The following PTCHD4 variants were observed in gnomAD, a reference collection of about 807,000 sequenced individuals.
The protein encoded by PTCHD4 is patched domain-containing protein 4.
Under a neutral mutation model 58.1 loss-of-function variants are expected in PTCHD4, and 33 were observed. That is an observed-to-expected ratio of 0.57 (90% CI 0.43 to 0.76). PTCHD4 has a LOEUF of 0.76. Ranked by LOEUF, PTCHD4 falls within the 30% of genes least tolerant of loss-of-function variation. The probability of loss-of-function intolerance (pLI) is 0.00; values close to 1 mark genes in which losing one functional copy is unlikely to be tolerated. For synonymous variants in PTCHD4, 478 were observed against 409.6 expected (o/e 1.17, Z -2.02); for missense variants, 1,058 against 1,027.1 (o/e 1.03, Z -0.41).
intron 1 of PTCHD4, among the ~76,000 whole-genome samples, chr6:48,095,752 T>G (rs960770171): frequency 8.2e-6 from 1 of 122,074 alleles, no homozygotes; most frequent in Non-Finnish European, 1.8e-5. Flanking sequence ...AAAAAACAAA[T>G]ATAACTGTTG....
rs141398310 is a variant in PTCHD4 at position 48,059,121 on chromosome 6, T to C, written c.417+9109A>G. ...TGTTCTAAGCACCTTATAATCTTCCTACTCAGAGTGTGGATCATGTACCAG... is the reference window on the plus strand; with the variant it reads ...TGTTCTAAGCACCTTATAATCTTCCCACTCAGAGTGTGGATCATGTACCAG... On this transcript the variant is annotated intron_variant, in intron 3 of 4. Coordinates refer to ENST00000339488, the MANE Select transcript of PTCHD4 (RefSeq NM_001384253.1). Among the ~76,000 whole-genome samples, 841 of 152,316 alleles carry C rather than the reference T, an allele frequency of 5.5e-3. 5 individuals are homozygous for C. The highest frequency in any genetic ancestry group is 0.01 in the Middle Eastern group (3 of 294).
At chr6:48,022,910 T>G (rs1473868701) in intron 3 of PTCHD4, among the ~76,000 whole-genome samples, 2 of 152,030 alleles carry the variant, frequency 1.3e-5, no homozygotes, top group Non-Finnish European at 2.9e-5. Context: ...TTTTAATTTC[T>G]TGAAAGGAAA....
At chr6:48,063,663 A>G (rs910509710) in intron 3 of PTCHD4, among the ~76,000 whole-genome samples, 23 of 152,214 alleles carry the variant, frequency 1.5e-4, no homozygotes, top group African/African-American at 5.1e-4. Flanking sequence ...AAACTTGTAA[A>G]GATTAAATAG....
Position 48,068,532 on chromosome 6 carries a change from G to T in PTCHD4, c.115C>A (p.Pro39Thr). The change falls in exon 3 of 5, where the codon CCG becomes ACG. Residue 39 changes from proline to threonine, a missense_variant. Coordinates refer to ENST00000339488, the MANE Select transcript of PTCHD4 (RefSeq NM_001384253.1). The surrounding 1 kb of genome is among the most constrained non-coding windows in gnomAD (Gnocchi z 4.2). ...GCGGGCACGGTGAGGAAAAAGACCG[G>T]GTGCCGGCTCACGCACAAACCCAGC... ...HRLGLCVSRH[P>T]VFFLTVPAVL... 1.2e-6 allele frequency: 2 copies of T among 1,610,656 alleles called. No individual in the cohort carries two copies. The highest frequency in any genetic ancestry group is 1.7e-6 in the Non-Finnish European group (2 of 1,179,500).
At chr6:47,961,701 A>T (rs111496045) in intron 4 of PTCHD4, among the ~76,000 whole-genome samples, 2,691 of 152,158 alleles carry the variant, frequency 0.018, 41 homozygotes, top group South Asian at 0.055. Context: ...CATTTTTTTT[A>T]AAAAAAGAAA....
chr6:48,001,589 A>G (rs1768723901), intron 4 of PTCHD4, among the ~76,000 whole-genome samples: 1 of 152,196 alleles, frequency 6.6e-6, no homozygotes, highest in South Asian at 2.1e-4. Flanking sequence ...CCTTCCTTAC[A>G]CCTTATACAA....
intron 1 of PTCHD4, among the ~76,000 whole-genome samples, chr6:48,072,374 C>T (rs372865425): frequency 7.9e-5 from 12 of 152,200 alleles, no homozygotes; most frequent in African/African-American, 1.9e-4. Context: ...CAGCTTTGGC[C>T]ACTGAAAGGA....
intron 4 of PTCHD4, among the ~76,000 whole-genome samples, chr6:47,957,091 GGA>G (rs1766893898): frequency 6.6e-6 from 1 of 151,624 alleles, no homozygotes; most frequent in Non-Finnish European, 1.5e-5. Flanking sequence ...CTTGAACCCT[GGA>G]GGCGGAGGTT....
intron 3 of PTCHD4, among the ~76,000 whole-genome samples, chr6:48,017,118 T>C (rs928804681): frequency 6.6e-6 from 1 of 152,220 alleles, no homozygotes; most frequent in East Asian, 1.9e-4. Flanking sequence ...CTTTTTTTAA[T>C]CAGATTTTTC....
At chr6:47,958,598 C>T (rs1409357370) in intron 4 of PTCHD4, among the ~76,000 whole-genome samples, 3 of 152,116 alleles carry the variant, frequency 2.0e-5, no homozygotes, top group Non-Finnish European at 4.4e-5. Flanking sequence ...TGAGAATACT[C>T]AAGTGGATAG....
intron 3 of PTCHD4, among the ~76,000 whole-genome samples, chr6:48,032,114 C>A (rs1763467434): frequency 6.6e-6 from 1 of 151,308 alleles, no homozygotes; most frequent in African/African-American, 2.4e-5. Context: ...AAAGCAATGA[C>A]ACATTGTAGA....
At chr6:47,952,680 C>A (rs959546643) in intron 4 of PTCHD4, among the ~76,000 whole-genome samples, 1 of 152,000 alleles carries the variant, frequency 6.6e-6, no homozygotes, top group Non-Finnish European at 1.5e-5. Flanking sequence ...TAACTGCCTA[C>A]AGTATTCAGT....
In PTCHD4 at chr6:47,875,190, T is replaced by C. The variant is rs1207845665; in HGVS notation, c.*3113A>G. On this transcript the variant is annotated 3_prime_UTR_variant, in exon 5 of 5. Coordinates refer to ENST00000339488, the MANE Select transcript of PTCHD4 (RefSeq NM_001384253.1). ...CCACAAATTTCTTCTCTTCTAGGAGTTGATTGGTCATCTGCTGACAACAGA... is the reference window on the plus strand; with the variant it reads ...CCACAAATTTCTTCTCTTCTAGGAGCTGATTGGTCATCTGCTGACAACAGA... 6.6e-6 allele frequency among the ~76,000 whole-genome samples: 1 copy of C among 151,718 alleles called. No individual in the cohort carries two copies. The highest frequency in any genetic ancestry group is 1.5e-5 in the Non-Finnish European group (1 of 67,834).
rs753412316 is a variant in PTCHD4 at position 47,932,000 on chromosome 6, A to T, written c.899-52064T>A. The stretch of plus-strand genomic sequence containing the variant: ...TTATAGAAATCCATATAATGCTGCA[A>T]AACCTAAGAGTGGGCCTCAACTTGT... On this transcript the variant is annotated intron_variant, in intron 4 of 4. Transcript: ENST00000339488. Among the ~76,000 whole-genome samples, 203 of 152,294 alleles carry T rather than the reference A, an allele frequency of 1.3e-3. 1 individual carries two copies. The highest frequency in any genetic ancestry group is 1.2e-3 in the Non-Finnish European group (80 of 68,020).
intron 4 of PTCHD4, among the ~76,000 whole-genome samples, chr6:47,907,750 G>T (rs1764942607): frequency 6.6e-6 from 1 of 152,146 alleles, no homozygotes; most frequent in Non-Finnish European, 1.5e-5. Context: ...CTGTTCCCCT[G>T]TGCTGCTGGC....
chr6:47,905,768 T>C (rs1764862280), intron 4 of PTCHD4, among the ~76,000 whole-genome samples: 1 of 152,180 alleles, frequency 6.6e-6, no homozygotes, highest in South Asian at 2.1e-4. Flanking sequence ...TGAACTCTTG[T>C]CTAATTATTT....
chr6:48,066,627 A>G (rs1158932914), intron 3 of PTCHD4, among the ~76,000 whole-genome samples: 1 of 152,182 alleles, frequency 6.6e-6, no homozygotes, highest in African/African-American at 2.4e-5. Flanking sequence ...ATGCTGCCTA[A>G]CCACACATCC....
rs1763909965 is a variant in PTCHD4, at chr6:47,878,541, A to G, written c.2294T>C (p.Ile765Thr). The G allele has an allele frequency of 1.2e-6, 2 of 1,613,404 alleles. No homozygotes were observed. Among genetic ancestry groups the G allele is most frequent in the Non-Finnish European group, 1.7e-6 (2 of 1,179,734 alleles). ...CACAAATAGAAGGGGGACTAACCCA[A>G]TAAGAAAAGAAGTAACATTTTGCAA... The part of the protein sequence containing the change: ...AILQNVTSFL[I>T]GLVPLLFVPS... Residue 765 changes from isoleucine to threonine, a missense_variant, in exon 5 of 5, where the codon ATT (isoleucine) becomes ACT (threonine). Coordinates refer to ENST00000339488, the MANE Select transcript of PTCHD4 (RefSeq NM_001384253.1).
intron 3 of PTCHD4, among the ~76,000 whole-genome samples, chr6:48,042,375 C>T (rs1763877256): frequency 1.3e-5 from 2 of 152,074 alleles, no homozygotes; most frequent in South Asian, 4.1e-4. Context: ...GGAGAAATCA[C>T]TTTCTTCCAG....
Sources: allele counts gnomAD v4.1 joint callset (sites outside exome capture counted in the v4.1 genomes callset), GRCh38; gene constraint gnomAD v4.1.1; non-coding constraint Gnocchi (gnomAD v3.1); transcripts MANE v1.5; gene names NCBI Gene and HGNC (gene_info 2026-07-23, HGNC 2026-07-21).